Variants in TNNI3K observed in about 807,000 individuals in gnomAD.
The protein encoded by TNNI3K is serine/threonine-protein kinase TNNI3K.
In TNNI3K, 140 loss-of-function variants were observed where a neutral mutation model predicts 114.5. The ratio of observed to expected loss-of-function variants is 1.22; its 90% CI spans 1.07 to 1.41. The LOEUF is 1.41. Among genes scored for constraint, TNNI3K ranks in the 40% most tolerant of loss-of-function variants. The probability of loss-of-function intolerance (pLI) is 0.00; values close to 1 mark genes in which losing one functional copy is unlikely to be tolerated. For synonymous variants in TNNI3K, 347 were observed against 347.5 expected (o/e 1.00, Z 0.02); for missense variants, 1,125 against 1,007.6 (o/e 1.12, Z -1.58).
chr1:74,486,478 C>T (rs1570686776), intron 21 of TNNI3K, among the ~76,000 whole-genome samples: 1 of 143,042 alleles, frequency 7.0e-6, no homozygotes, highest in African/African-American at 2.7e-5. Flanking sequence ...AACATCATCA[C>T]TTTTTTTGTG....
chr1:74,249,578 G>A, intron 3 of TNNI3K, 34 bp downstream of exon 3: 1 of 1,598,478 alleles, frequency 6.3e-7, no homozygotes, highest in Non-Finnish European at 8.6e-7. Context: ...TCTTAAACTG[G>A]TTATATGTGT....
In TNNI3K at chr1:74,353,309, C is replaced by A. The variant is rs1661479801; in HGVS notation, c.976C>A (p.Leu326Ile). The change falls in exon 10 of 25, where the codon CTT becomes ATT. Residue 326 changes from leucine (L) to isoleucine (I), a missense_variant. Physicochemically the swap from Leu to Ile is conservative, Grantham distance 5 (BLOSUM62 2). Transcript: ENST00000326637. ...GKSIDLVKFLLDQNVININHQ... is the reference protein window; with the variant it reads ...GKSIDLVKFLIDQNVININHQ... The stretch of plus-strand genomic sequence containing the variant: ...GAGCATTGACCTAGTCAAATTTCTT[C>A]TTGATCAGAATGTCATAAACATCAA... 6.2e-7 allele frequency: 1 copy of A among 1,613,212 alleles called. No homozygotes were observed. Among genetic ancestry groups the A allele is most frequent in the Admixed American group, 1.7e-5 (1 of 59,942 alleles).
rs72979414 is a variant in TNNI3K at position 74,504,805 on chromosome 1, G to A, written c.2351+12539G>A. The stretch of plus-strand genomic sequence containing the variant: ...TGTAATTTCGTGTTCTTTTCTATCC[G>A]TCAGCAGTGCTTGTTAGCGACCTAA... On this transcript the variant is annotated intron_variant, in intron 23 of 24. Transcript: ENST00000326637. Among the ~76,000 whole-genome samples the A allele has an allele frequency of 1.3e-3, 203 of 152,182 alleles. 2 individuals are homozygous for A. The highest frequency in any genetic ancestry group is 4.6e-3 in the African/African-American group (192 of 41,538).
chr1:74,525,059 T>C (rs1646485869), intron 23 of TNNI3K, among the ~76,000 whole-genome samples: 3 of 152,040 alleles, frequency 2.0e-5, no homozygotes, highest in Admixed American at 2.0e-4. Flanking sequence ...AGACAAAGAA[T>C]GAAAGATGAG....
At chr1:74,249,340 A>G in intron 2 of TNNI3K, 119 bp from the exon 3 acceptor site, 1 of 1,057,378 alleles carries the variant, frequency 9.5e-7, no homozygotes. Context: ...GTGCAAAATA[A>G]TCTTAGAAAA....
chr1:74,261,842 C>G (rs2100872801), intron 4 of TNNI3K, among the ~76,000 whole-genome samples: 1 of 152,128 alleles, frequency 6.6e-6, no homozygotes, highest in South Asian at 2.1e-4. Flanking sequence ...ATATTTCTTG[C>G]AAGATTTAAT....
At chr1:74,315,723 G>C (rs1450922856) in intron 5 of TNNI3K, among the ~76,000 whole-genome samples, 1 of 152,004 alleles carries the variant, frequency 6.6e-6, no homozygotes, top group Non-Finnish European at 1.5e-5. Context: ...CTTTGTGTTA[G>C]TTTCATAGTT....
In TNNI3K at chr1:74,367,845, T is replaced by C. The variant is rs1662356539; in HGVS notation, c.1265-63T>C. 6.1e-6 allele frequency: 9 copies of C among 1,464,320 alleles called. No homozygotes were observed. In the South Asian group the frequency reaches 9.3e-5, roughly 15 times the overall value. The allele number at this position is 1,464,320 out of a possible 1,614,324, so 90.7% of individuals were successfully genotyped here. On this transcript the variant is annotated intron_variant, in intron 12 of 24. Coordinates refer to ENST00000326637, the MANE Select transcript of TNNI3K (RefSeq NM_015978.3). ...CGTCACCTGCTTATTTTTATAATGTTGAACTTTTATGTAGAAAAAAATGAT... is the reference window on the plus strand; with the variant it reads ...CGTCACCTGCTTATTTTTATAATGTCGAACTTTTATGTAGAAAAAAATGAT...
At chr1:74,258,782 AC>A (rs1329561454) in intron 4 of TNNI3K, among the ~76,000 whole-genome samples, 4 of 152,126 alleles carry the variant, frequency 2.6e-5, no homozygotes, top group Non-Finnish European at 5.9e-5. Flanking sequence ...TGCCTGTTCA[AC>A]CCTAATGGTT....
intron 5 of TNNI3K, among the ~76,000 whole-genome samples, chr1:74,304,073 G>T (rs1658483015): frequency 6.6e-6 from 1 of 152,156 alleles, no homozygotes; most frequent in African/African-American, 2.4e-5. Flanking sequence ...ATCTACTCCT[G>T]GTGAAGATAC....
intron 23 of TNNI3K, among the ~76,000 whole-genome samples, chr1:74,514,931 T>C (rs1646327893): frequency 6.6e-6 from 1 of 152,100 alleles, no homozygotes; most frequent in South Asian, 2.1e-4. Context: ...TCAAGATGAC[T>C]TGTGTCTTTA....
intron 23 of TNNI3K, among the ~76,000 whole-genome samples, chr1:74,493,224 A>T (rs1284476194): frequency 6.6e-6 from 1 of 152,214 alleles, no homozygotes; most frequent in Admixed American, 6.5e-5. Flanking sequence ...AGAAATTGGG[A>T]GTAAATGCTT....
At chr1:74,426,617 C>T (rs1268134478) in intron 17 of TNNI3K, among the ~76,000 whole-genome samples, 1 of 151,944 alleles carries the variant, frequency 6.6e-6, no homozygotes, top group Non-Finnish European at 1.5e-5. Flanking sequence ...TTATTCTCTC[C>T]TCTCCCTGGC....
At chr1:74,502,106 C>T (rs138417230) in intron 23 of TNNI3K, among the ~76,000 whole-genome samples, 7 of 152,034 alleles carry the variant, frequency 4.6e-5, no homozygotes, top group African/African-American at 1.4e-4. Flanking sequence ...AAAATTCATG[C>T]TATAGGTCAA....
chr1:74,461,482 GAA>G (rs745581474), intron 20 of TNNI3K, among the ~76,000 whole-genome samples: 3 of 74,100 alleles, frequency 4.0e-5, no homozygotes, highest in South Asian at 4.1e-4. Flanking sequence ...TCTGTCTCGA[GAA>G]AAAAAAAAAA....
chr1:74,479,686 A>G (rs556236727), intron 21 of TNNI3K, among the ~76,000 whole-genome samples: 2 of 152,274 alleles, frequency 1.3e-5, no homozygotes, highest in Admixed American at 1.3e-4. Flanking sequence ...AAGCCCTCTG[A>G]CTCTTACTAT....
At chr1:74,369,147 G>A (rs200299135) in intron 14 of TNNI3K, 33 bp downstream of exon 14, 47 of 1,593,736 alleles carry the variant, frequency 2.9e-5, no homozygotes, top group Middle Eastern at 1.7e-4. Context: ...ATAAAGGTCC[G>A]GTTTAGTTGA....
chr1:74,405,001 C>T (rs1483434986), intron 17 of TNNI3K, among the ~76,000 whole-genome samples: 3 of 152,092 alleles, frequency 2.0e-5, no homozygotes, highest in Non-Finnish European at 4.4e-5. Context: ...AAGAAGTTTA[C>T]AGTTTAAAAA....
In TNNI3K at chr1:74,354,047, T is replaced by A. The variant is rs374909780; in HGVS notation, c.1095T>A (p.Asp365Glu). Residue 365 changes from aspartate to glutamate, a missense_variant, in exon 11 of 25, where the codon GAT becomes GAA. Coordinates refer to ENST00000326637, the MANE Select transcript of TNNI3K (RefSeq NM_015978.3). ...AGTTCTTACTGGATAATGGAGCTGA[T>A]ATGAATCTAGTGGCTTGTGATCCCA... ...LVQFLLDNGA[D>E]MNLVACDPSR... The A allele has an allele frequency of 6.2e-7, 1 of 1,614,010 alleles. No individual in the cohort carries two copies. The highest frequency in any genetic ancestry group is 1.7e-5 in the Admixed American group (1 of 59,996).
Sources: gnomAD v4.1 joint callset for allele counts (sites outside exome capture counted in the v4.1 genomes callset) on GRCh38, gnomAD v4.1.1 for gene constraint, MANE v1.5 for transcripts, NCBI Gene and HGNC (gene_info 2026-07-23, HGNC 2026-07-21) for gene names.